NEO1: variants seen among roughly 807,000 people sequenced by gnomAD.
NEO1 encodes neogenin 1.
A neutral mutation model predicts 159.7 loss-of-function variants in NEO1; 63 were observed. The observed-to-expected ratio is 0.39, with a 90% CI of 0.32 to 0.49. NEO1 has a LOEUF of 0.49. NEO1 is among the 20% of genes least tolerant of loss of function. The pLI, the probability that NEO1 is intolerant of heterozygous loss-of-function variation, is 0.85. For missense variants in NEO1, 1,615 were observed against 1,831.0 expected, an observed-to-expected ratio of 0.88 and a Z score of 2.15; for synonymous variants, 633 against 662.0, an observed-to-expected ratio of 0.96 and a Z score of 0.67.
chr15:73,140,922 T>A (rs749596698), intron 5 of NEO1, among the ~76,000 whole-genome samples: 51 of 152,174 alleles, frequency 3.4e-4, no homozygotes, highest in Non-Finnish European at 3.7e-4. Context: ...TAATCTATGG[T>A]TTTAGAAGTC....
intron 26 of NEO1, among the ~76,000 whole-genome samples, chr15:73,297,718 C>T (rs1003492009): frequency 6.6e-6 from 1 of 152,214 alleles, no homozygotes; most frequent in Non-Finnish European, 1.5e-5. Context: ...TAATCTACCC[C>T]CATTTCCTTC....
chr15:73,245,532 C>CT (rs1420308140), intron 9 of NEO1, among the ~76,000 whole-genome samples: 1 of 151,578 alleles, frequency 6.6e-6, no homozygotes, highest in African/African-American at 2.4e-5. Context: ...TTTGTCTAGA[C>CT]TTTTGCTTTC....
At chr15:73,079,008 G>A (rs1310788013) in intron 1 of NEO1, among the ~76,000 whole-genome samples, 2 of 152,136 alleles carry the variant, frequency 1.3e-5, no homozygotes, top group African/African-American at 2.4e-5. Context: ...TTCTTTCTAA[G>A]TGCATTATCT....
At chr15:73,293,572 G>C in intron 26 of NEO1, 24 bp downstream of exon 26, 1 of 1,601,306 alleles carries the variant, frequency 6.2e-7, no homozygotes, top group Non-Finnish European at 8.5e-7. Context: ...ATCAAGCCCA[G>C]ATGGAAACCA....
At chr15:73,059,866 C>T (rs2067893995) in intron 1 of NEO1, among the ~76,000 whole-genome samples, 1 of 152,108 alleles carries the variant, frequency 6.6e-6, no homozygotes. Context: ...TCTGGGGGTA[C>T]AGCTACTCCC....
chr15:73,067,099 TCATCACA>T (rs2068260746), intron 1 of NEO1, among the ~76,000 whole-genome samples: 1 of 152,242 alleles, frequency 6.6e-6, no homozygotes, highest in African/African-American at 2.4e-5. Context: ...GTCTGGTTTT[TCATCACA>T]TGTAGTCTGC....
At chr15:73,257,882 T>A (rs2040442435) in intron 13 of NEO1, among the ~76,000 whole-genome samples, 1 of 152,212 alleles carries the variant, frequency 6.6e-6, no homozygotes, top group Non-Finnish European at 1.5e-5. Flanking sequence ...TCTGGTTCAT[T>A]GTGTGGGGAG....
chr15:73,296,353 A>G (rs1049739806), intron 26 of NEO1, among the ~76,000 whole-genome samples: 2 of 152,038 alleles, frequency 1.3e-5, no homozygotes, highest in African/African-American at 4.8e-5. Context: ...GGGGACCACC[A>G]GCTCCCCCGC....
Position 73,302,911 on chromosome 15 carries a change from C to T in NEO1, c.*215C>T, listed in dbSNP as rs958171738. 1.8e-4 allele frequency: 93 copies of T among 515,856 alleles called. 1 individual carries two copies. The highest frequency in any genetic ancestry group is 1.0e-3 in the Middle Eastern group (2 of 2,004). 32.0% of individuals were successfully genotyped at this position (515,856 alleles called of 1,614,324 possible). A position where few individuals can be genotyped will look rare whatever the true frequency, so the allele number is the denominator to read the frequency against. Reference sequence around the variant, plus strand: ...AGAAGCCTGTGTCGAGGCAGCTTCCCTTTGCCTGCTGATATTCTGCAGGAC... The same window carrying T: ...AGAAGCCTGTGTCGAGGCAGCTTCCTTTTGCCTGCTGATATTCTGCAGGAC... On this transcript the variant is annotated 3_prime_UTR_variant, in exon 29 of 29. Transcript: ENST00000261908.
chr15:73,094,167 C>T (rs938660566), intron 1 of NEO1, among the ~76,000 whole-genome samples: 3 of 152,032 alleles, frequency 2.0e-5, no homozygotes, highest in African/African-American at 2.4e-5. Context: ...CAGCCATTGC[C>T]GCAATCAATT....
intron 1 of NEO1, among the ~76,000 whole-genome samples, chr15:73,081,998 C>A (rs1251398220): frequency 2.0e-5 from 3 of 151,676 alleles, no homozygotes; most frequent in African/African-American, 7.3e-5. Flanking sequence ...CTCAGCCTCC[C>A]GAGTAGCTGG....
intron 5 of NEO1, among the ~76,000 whole-genome samples, chr15:73,168,199 T>C (rs772318745): frequency 6.6e-6 from 1 of 151,926 alleles, no homozygotes; most frequent in East Asian, 1.9e-4. Flanking sequence ...TGTTTTGTTT[T>C]GTATTTTTGA....
intron 4 of NEO1, 176 bp downstream of exon 4, chr15:73,126,746 A>G: frequency 1.9e-6 from 1 of 521,236 alleles, no homozygotes; most frequent in Non-Finnish European, 3.2e-6. Context: ...ATATTTAAAG[A>G]AAAAGATACT....
chr15:73,249,325 T>C (rs2039955521), intron 10 of NEO1, 117 bp downstream of exon 10: 1 of 1,207,916 alleles, frequency 8.3e-7, no homozygotes, highest in African/African-American at 1.5e-5. Flanking sequence ...ACATAGGAAA[T>C]GAAAAGTTGA....
At chr15:73,201,459 T>C (rs1457419555) in intron 7 of NEO1, among the ~76,000 whole-genome samples, 4 of 152,160 alleles carry the variant, frequency 2.6e-5, no homozygotes, top group African/African-American at 9.7e-5. Flanking sequence ...TTAAATGCGT[T>C]AAAGTATATT....
At chr15:73,064,823 TG>T (rs1293565490) in intron 1 of NEO1, among the ~76,000 whole-genome samples, 2 of 152,160 alleles carry the variant, frequency 1.3e-5, no homozygotes, top group Non-Finnish European at 2.9e-5. Flanking sequence ...TGTTTTCTTT[TG>T]CCTGACAGTT....
chr15:73,272,573 A>C lies in NEO1; in HGVS notation c.2965+11A>C. 1 of 1,539,148 alleles carries C rather than the reference A, an allele frequency of 6.5e-7. No individual in the cohort carries two copies. ...ATGGCAAAATTACAGGTAAAATGCA[A>C]TCAAGTGTGCATTTCTTTGTGCGCT... On this transcript the variant is annotated intron_variant, in intron 19 of 28. Transcript: ENST00000261908.
chr15:73,153,221 A>G (rs1192672039), intron 5 of NEO1, among the ~76,000 whole-genome samples: 1 of 152,186 alleles, frequency 6.6e-6, no homozygotes, highest in Non-Finnish European at 1.5e-5. Context: ...GCTGTAACTC[A>G]GTCCACAGAT....
Position 73,102,414 on chromosome 15 carries a change from A to G in NEO1, c.131-14126A>G, listed in dbSNP as rs141273594. On this transcript the variant is annotated intron_variant, in intron 1 of 28. Transcript: ENST00000261908. ...TAACAAGGTAATTAGAATATACACT[A>G]TAATTTGAGAACACTGTCTACATTT... is the stretch of plus-strand genomic sequence containing the variant. Among the ~76,000 whole-genome samples, 111 of 152,296 alleles carry G rather than the reference A, an allele frequency of 7.3e-4. 1 individual carries two copies. The East Asian group carries it at 0.016, about 22-fold the overall frequency.
Sources: gnomAD v4.1 joint callset for allele counts (sites outside exome capture counted in the v4.1 genomes callset) on GRCh38, gnomAD v4.1.1 for gene constraint, MANE v1.5 for transcripts, NCBI Gene and HGNC (gene_info 2026-07-23, HGNC 2026-07-21) for gene names.